The following ETV1 variants were observed in gnomAD, a reference collection of about 807,000 sequenced individuals.
ETV1 encodes ETS translocation variant 1.
A neutral mutation model predicts 62.3 loss-of-function variants in ETV1; 27 were observed. That is an observed-to-expected ratio of 0.43 (90% CI 0.32 to 0.60). ETV1 has a LOEUF of 0.60. Among genes scored for constraint, ETV1 ranks in the 20% least tolerant of loss-of-function variants. ETV1 has a pLI of 0.06. For missense variants in ETV1, 605 were observed against 605.8 expected (o/e 1.00, Z 0.01); for synonymous variants, 222 against 199.6 (o/e 1.11, Z -0.94).
chr7:13,892,189 A>G lies in ETV1; in HGVS notation c.*3677T>C, dbSNP rs1781429977. 8.6e-6 allele frequency: 2 copies of G among 232,458 alleles called. No homozygotes were observed. Among genetic ancestry groups the G allele is most frequent in the South Asian group, 1.8e-4 (1 of 5,534 alleles). 14.4% of individuals were successfully genotyped at this position (232,458 alleles called of 1,614,324 possible). On this transcript the variant is annotated 3_prime_UTR_variant, in exon 14 of 14. Coordinates refer to ENST00000430479, the MANE Select transcript of ETV1 (RefSeq NM_004956.5). ...GTAACCCATATTAACACCAAAAGAAATGTATTAAAAAATAAAATCTGGATT... is the reference window on the plus strand; with the variant it reads ...GTAACCCATATTAACACCAAAAGAAGTGTATTAAAAAATAAAATCTGGATT...
At chr7:13,899,697 T>C (rs755179003) in intron 13 of ETV1, among the ~76,000 whole-genome samples, 1 of 152,254 alleles carries the variant, frequency 6.6e-6, no homozygotes, top group Non-Finnish European at 1.5e-5. Context: ...ATTAGATTTC[T>C]GTACACTTGC....
At chr7:13,907,831 T>C (rs753754271) in intron 11 of ETV1, 1 of 470,618 alleles carries the variant, frequency 2.1e-6, no homozygotes, top group South Asian at 1.6e-5. Flanking sequence ...TTAAAATAAT[T>C]ACAGAAAGGG....
chr7:13,972,907 G>T (rs1781046368), intron 6 of ETV1, among the ~76,000 whole-genome samples: 1 of 152,054 alleles, frequency 6.6e-6, no homozygotes, highest in Non-Finnish European at 1.5e-5. Flanking sequence ...CCATGCCCAG[G>T]CTCTGTTTTC....
chr7:13,948,629 G>A (rs565689305), intron 6 of ETV1, among the ~76,000 whole-genome samples: 4 of 152,236 alleles, frequency 2.6e-5, no homozygotes, highest in African/African-American at 9.6e-5. Context: ...CTAGTCTAGG[G>A]CTACTTTGAG....
chr7:13,922,129 T>C (rs745563748), intron 9 of ETV1, among the ~76,000 whole-genome samples: 6 of 152,154 alleles, frequency 3.9e-5, no homozygotes, highest in African/African-American at 7.2e-5. Context: ...TTGAGAAGTA[T>C]ATGCATTATC....
Position 13,911,294 on chromosome 7 carries a change from G to A in ETV1, c.816C>T (p.Cys272=). ...CTTCTTGCCTCATATAAATGGAGTG[G>A]CAGCTAGGCACTTCTGAAAGAGGAA... is the stretch of plus-strand genomic sequence containing the variant. ...DFAYDSEVPS[C]HSIYMRQEGF... is the part of the protein sequence containing the mutation. The change falls in exon 10 of 14, where the codon TGC becomes TGT. Residue 272 remains cysteine (C), a synonymous_variant. Transcript: ENST00000430479. 1 of 1,611,928 alleles carries A rather than the reference G, an allele frequency of 6.2e-7. No homozygotes were observed. The highest frequency in any genetic ancestry group is 8.5e-7 in the Non-Finnish European group (1 of 1,178,402).
chr7:13,909,189 T>C (rs979520236), intron 11 of ETV1, among the ~76,000 whole-genome samples: 1 of 151,266 alleles, frequency 6.6e-6, no homozygotes, highest in Non-Finnish European at 1.5e-5. Context: ...GGCAGTTATG[T>C]TGTTCCTGTG....
intron 9 of ETV1, among the ~76,000 whole-genome samples, chr7:13,926,593 T>C (rs1399872044): frequency 2.0e-5 from 3 of 152,130 alleles, no homozygotes; most frequent in African/African-American, 7.2e-5. Flanking sequence ...TATGTGGGCA[T>C]TTGACCATAA....
chr7:13,941,851 A>G (rs1787543123), intron 6 of ETV1, among the ~76,000 whole-genome samples: 1 of 149,452 alleles, frequency 6.7e-6, no homozygotes, highest in Admixed American at 6.8e-5. Flanking sequence ...TGACAGAGTG[A>G]GATTCTGCCT....
In ETV1 at chr7:13,957,919, T is replaced by C. The variant is rs113046254; in HGVS notation, c.236-18673A>G. 3.5e-3 allele frequency among the ~76,000 whole-genome samples: 531 copies of C among 152,326 alleles called. 7 individuals carry two copies. The highest frequency in any genetic ancestry group is 0.033 in the South Asian group (157 of 4,822). The stretch of plus-strand genomic sequence containing the variant: ...AACAATCCTATGATCACAACCGTGA[T>C]AGGCCTGGTTTGCATTCTCCTCCTC... On this transcript the variant is annotated intron_variant, in intron 6 of 13. Coordinates refer to ENST00000430479, the MANE Select transcript of ETV1 (RefSeq NM_004956.5).
chr7:13,901,872 AC>A (rs1238189294), intron 12 of ETV1, among the ~76,000 whole-genome samples: 2 of 152,166 alleles, frequency 1.3e-5, no homozygotes, highest in Non-Finnish European at 2.9e-5. Flanking sequence ...TAATAAAAAA[AC>A]TCAGAGCTTT....
At chr7:13,900,644 C>A in intron 13 of ETV1, 94 bp downstream of exon 13, 1 of 876,478 alleles carries the variant, frequency 1.1e-6, no homozygotes, top group Non-Finnish European at 1.7e-6. Context: ...GAAAAACTCG[C>A]TTCAGCAATG....
intron 6 of ETV1, among the ~76,000 whole-genome samples, chr7:13,976,544 G>A (rs1781472808): frequency 6.6e-6 from 1 of 152,072 alleles, no homozygotes; most frequent in Non-Finnish European, 1.5e-5. Flanking sequence ...AGTAATGCAG[G>A]TATCTGTATT....
chr7:13,958,489 A>G (rs911185045), intron 6 of ETV1, among the ~76,000 whole-genome samples: 1 of 152,162 alleles, frequency 6.6e-6, no homozygotes, highest in Non-Finnish European at 1.5e-5. Flanking sequence ...AATCATACAA[A>G]TCTTGAGAAG....
Position 13,894,312 on chromosome 7 carries a change from G to A in ETV1, c.*1554C>T. On this transcript the variant is annotated 3_prime_UTR_variant, in exon 14 of 14. Coordinates refer to ENST00000430479, the MANE Select transcript of ETV1 (RefSeq NM_004956.5). Reference sequence around the variant, plus strand: ...CATTTACTCATGGTTTTTTCAAGGTGAATGAAACAACATACCCTGCTTTCA... The same window carrying A: ...CATTTACTCATGGTTTTTTCAAGGTAAATGAAACAACATACCCTGCTTTCA... 1 of 232,596 alleles carries A rather than the reference G, an allele frequency of 4.3e-6. No homozygotes were observed. Among genetic ancestry groups the A allele is most frequent in the Non-Finnish European group, 8.5e-6 (1 of 117,566 alleles). The allele number at this position is 232,596 out of a possible 1,614,324, so 14.4% of individuals were successfully genotyped here.
Position 13,988,131 on chromosome 7 carries a change from T to G in ETV1, c.88A>C (p.Arg30=), listed in dbSNP as rs61760176. 1.1e-4 allele frequency: 181 copies of G among 1,612,816 alleles called. No homozygotes were observed. The highest frequency in any genetic ancestry group is 1.1e-4 in the Non-Finnish European group (132 of 1,178,984). The change falls in exon 4 of 14, where the codon AGG becomes CGG. Residue 30 remains arginine, a synonymous_variant. Transcript: ENST00000430479. ...TCTCTGTTAATGAATTTTCTTTTCC[T>G]GACATTTGTTGGTTTCTCGTTACAA... ...RNCNEKPTNV[R]KRKFINRDLA...
intron 9 of ETV1, among the ~76,000 whole-genome samples, chr7:13,919,498 A>C: frequency 6.7e-6 from 1 of 148,744 alleles, no homozygotes; most frequent in Admixed American, 6.7e-5. Flanking sequence ...GATACTTTTC[A>C]TATTTATCTT....
intron 6 of ETV1, among the ~76,000 whole-genome samples, chr7:13,974,178 A>G (rs1045762245): frequency 5.8e-4 from 88 of 152,236 alleles, no homozygotes; most frequent in Non-Finnish European, 1.2e-3. Context: ...GTGAAATCTA[A>G]GCTGAGTCTG....
At chr7:13,899,374 G>A (rs767349658) in intron 13 of ETV1, among the ~76,000 whole-genome samples, 4 of 152,264 alleles carry the variant, frequency 2.6e-5, no homozygotes, top group Non-Finnish European at 5.9e-5. Flanking sequence ...ACTGAAAATC[G>A]AAGTCAGCCT....
Sources: gnomAD v4.1 joint callset for allele counts (sites outside exome capture counted in the v4.1 genomes callset) on GRCh38, gnomAD v4.1.1 for gene constraint, MANE v1.5 for transcripts, NCBI Gene and HGNC (gene_info 2026-07-23, HGNC 2026-07-21) for gene names.